The following GPC5 variants were observed in gnomAD, a reference collection of about 807,000 sequenced individuals.
GPC5 encodes the protein glypican-5.
In GPC5, 47 loss-of-function variants were observed where a neutral mutation model predicts 53.9. The ratio of observed to expected loss-of-function variants is 0.87; its 90% CI spans 0.69 to 1.11. The LOEUF (loss-of-function observed/expected upper bound fraction) is 1.11. Among genes scored for constraint, GPC5 ranks in the 50% most tolerant of loss-of-function variants. The probability of loss-of-function intolerance (pLI) is 0.00; values close to 1 mark genes in which losing one functional copy is unlikely to be tolerated. For missense variants in GPC5, 748 were observed against 713.1 expected (o/e 1.05, Z -0.56); for synonymous variants, 286 against 263.3 (o/e 1.09, Z -0.84).
chr13:91,614,548 T>C (rs1002400811), intron 2 of GPC5, among the ~76,000 whole-genome samples: 1 of 152,116 alleles, frequency 6.6e-6, no homozygotes, highest in Non-Finnish European at 1.5e-5. Flanking sequence ...CCCAGGCTGG[T>C]CTTGAGCTCC....
At chr13:91,470,263 T>G (rs1265517032) in intron 2 of GPC5, among the ~76,000 whole-genome samples, 1 of 152,200 alleles carries the variant, frequency 6.6e-6, no homozygotes, top group Non-Finnish European at 1.5e-5. Context: ...AGAGATTTTC[T>G]TCCTTCAGAC....
intron 1 of GPC5, among the ~76,000 whole-genome samples, chr13:91,401,375 A>T (rs76663499): frequency 6.6e-6 from 1 of 151,762 alleles, no homozygotes; most frequent in Non-Finnish European, 1.5e-5. Flanking sequence ...TTCTTTTTGT[A>T]TTTATATATG....
At chr13:91,709,973 A>T (rs7988707) in intron 3 of GPC5, among the ~76,000 whole-genome samples, 11,258 of 152,194 alleles carry the variant, frequency 0.074, 478 homozygotes, top group East Asian at 0.24. Flanking sequence ...CCCTTGTCAC[A>T]TATCAATCTC....
chr13:92,062,997 T>C (rs542576526), intron 6 of GPC5, among the ~76,000 whole-genome samples: 11 of 152,056 alleles, frequency 7.2e-5, no homozygotes, highest in African/African-American at 2.7e-4. Context: ...TAGATCTGCA[T>C]ATGAAGGAGA....
intron 5 of GPC5, among the ~76,000 whole-genome samples, chr13:91,871,726 T>G (rs1324724149): frequency 6.6e-6 from 1 of 152,068 alleles, no homozygotes; most frequent in Non-Finnish European, 1.5e-5. Flanking sequence ...TGGATTAGAT[T>G]TTTCATCTCT....
chr13:92,053,627 T>A (rs905604860), intron 6 of GPC5, among the ~76,000 whole-genome samples: 1 of 152,198 alleles, frequency 6.6e-6, no homozygotes. Flanking sequence ...GAAAATTTTA[T>A]ATACAGATAT....
chr13:91,984,856 A>C (rs543779487), intron 6 of GPC5, among the ~76,000 whole-genome samples: 10 of 152,350 alleles, frequency 6.6e-5, no homozygotes, highest in African/African-American at 2.4e-4. Flanking sequence ...TGATTTTAAT[A>C]ATTCAGAATT....
chr13:91,785,300 G>C (rs1451217057), intron 5 of GPC5, among the ~76,000 whole-genome samples: 1 of 152,166 alleles, frequency 6.6e-6, no homozygotes, highest in African/African-American at 2.4e-5. Context: ...ATGTTCAGCA[G>C]TATCCCTGGT....
intron 7 of GPC5, among the ~76,000 whole-genome samples, chr13:92,401,007 A>G (rs1875531957): frequency 6.6e-6 from 1 of 152,026 alleles, no homozygotes; most frequent in Non-Finnish European, 1.5e-5. Flanking sequence ...ATTTCAAAAT[A>G]CCCCTGTAAT....
intron 3 of GPC5, among the ~76,000 whole-genome samples, chr13:91,717,290 T>G (rs941016202): frequency 6.6e-6 from 1 of 152,216 alleles, no homozygotes; most frequent in Admixed American, 6.5e-5. Flanking sequence ...TGAAATAATT[T>G]GGTTTGTCCT....
At chr13:92,003,823 A>G (rs1045872124) in intron 6 of GPC5, among the ~76,000 whole-genome samples, 33 of 152,346 alleles carry the variant, frequency 2.2e-4, no homozygotes, top group African/African-American at 7.2e-4. Flanking sequence ...TATTGATGAA[A>G]TGTTACACTT....
At chr13:91,559,207 C>G (rs2031123618) in intron 2 of GPC5, among the ~76,000 whole-genome samples, 1 of 152,130 alleles carries the variant, frequency 6.6e-6, no homozygotes, top group Admixed American at 6.5e-5. Context: ...AGCCTAACAC[C>G]TATGGTTGAC....
At chr13:92,084,277 A>G (rs1490963268) in intron 6 of GPC5, among the ~76,000 whole-genome samples, 5 of 152,300 alleles carry the variant, frequency 3.3e-5, no homozygotes, top group African/African-American at 1.2e-4. Flanking sequence ...CCCAGAACTT[A>G]ATTTTTTTTA....
intron 7 of GPC5, among the ~76,000 whole-genome samples, chr13:92,617,224 C>T (rs561032253): frequency 2.6e-5 from 4 of 152,188 alleles, no homozygotes; most frequent in South Asian, 2.1e-4. Flanking sequence ...AGAGGTTGTC[C>T]GCTGTAACGT....
chr13:92,600,635 T>C (rs1884018316), intron 7 of GPC5, among the ~76,000 whole-genome samples: 2 of 150,710 alleles, frequency 1.3e-5, no homozygotes, highest in East Asian at 2.0e-4. Context: ...GTAGCTGGGA[T>C]TACAGGACCC....
intron 6 of GPC5, among the ~76,000 whole-genome samples, chr13:91,972,485 A>G (rs1331103939): frequency 6.6e-6 from 1 of 152,122 alleles, no homozygotes; most frequent in Non-Finnish European, 1.5e-5. Flanking sequence ...TAATATTGTT[A>G]TGTGTGAATT....
intron 2 of GPC5, among the ~76,000 whole-genome samples, chr13:91,490,480 T>G (rs1415462786): frequency 6.6e-6 from 1 of 152,210 alleles, no homozygotes; most frequent in Non-Finnish European, 1.5e-5. Context: ...ATTTTGTTTT[T>G]ATTTAATTGA....
Position 91,655,268 on chromosome 13 carries a change from A to T in GPC5, c.326-37919A>T, listed in dbSNP as rs184958266. Among the ~76,000 whole-genome samples the T allele has an allele frequency of 5.0e-3, 765 of 152,116 alleles. 5 individuals are homozygous for T. Among genetic ancestry groups the T allele is most frequent in the Non-Finnish European group, 7.2e-3 (491 of 67,946 alleles). ...TAGAGTAACTGTTGTATGCTAGGACAATTCTTAGGGAAAATTCTGTGTGTG... is the reference window on the plus strand; with the variant it reads ...TAGAGTAACTGTTGTATGCTAGGACTATTCTTAGGGAAAATTCTGTGTGTG... On this transcript the variant is annotated intron_variant, in intron 2 of 7. Transcript: ENST00000377067.
At chr13:92,488,328 C>T (rs988638970) in intron 7 of GPC5, among the ~76,000 whole-genome samples, 1 of 152,100 alleles carries the variant, frequency 6.6e-6, no homozygotes, top group African/African-American at 2.4e-5. Flanking sequence ...ATCACTTTTC[C>T]GTGATGGAAT....
Sources: gnomAD v4.1 joint callset for allele counts (sites outside exome capture counted in the v4.1 genomes callset) on GRCh38, gnomAD v4.1.1 for gene constraint, MANE v1.5 for transcripts, NCBI Gene and HGNC (gene_info 2026-07-23, HGNC 2026-07-21) for gene names.